STAT4: variants seen among roughly 807,000 people sequenced by gnomAD.
The protein encoded by STAT4 is signal transducer and activator of transcription 4.
STAT4 carries 42 observed loss-of-function variants against 110.5 expected under a neutral mutation model. The observed-to-expected ratio is 0.38, with a 90% confidence interval of 0.30 to 0.49. The LOEUF is 0.49. Ranked by LOEUF, STAT4 falls within the 20% of genes least tolerant of loss-of-function variation. The pLI is 0.95. For synonymous variants in STAT4, 284 were observed against 302.2 expected, an observed-to-expected ratio of 0.94 and a Z score of 0.63; for missense variants, 632 against 887.9, an observed-to-expected ratio of 0.71 and a Z score of 3.66.
chr2:191,143,865 G>A lies in STAT4; in HGVS notation c.273+2748C>T, dbSNP rs926247980. Among the ~76,000 whole-genome samples, 9 of 151,052 alleles carry A rather than the reference G, an allele frequency of 6.0e-5. No individual in the cohort carries two copies. Among genetic ancestry groups the A allele is most frequent in the South Asian group, 2.1e-4 (1 of 4,798 alleles). ...AAGACTCATCATACCACCCTTCCCC[G>A]CAAAAAACACACACAACTTAATGGG... On this transcript the variant is annotated intron_variant, in intron 3 of 23. Transcript: ENST00000392320. The surrounding 1 kb of genome is among the most constrained non-coding windows in gnomAD (Gnocchi z 5.6).
At chr2:191,048,922 T>G (rs76373758) in intron 14 of STAT4, among the ~76,000 whole-genome samples, 2 of 151,432 alleles carry the variant, frequency 1.3e-5, no homozygotes, top group Non-Finnish European at 2.9e-5. Flanking sequence ...GTACATCACA[T>G]TATATGACAC....
chr2:191,047,882 T>A lies in STAT4; in HGVS notation c.1251+6608A>T, dbSNP rs547835001. Among the ~76,000 whole-genome samples, 25 of 152,358 alleles carry A rather than the reference T, an allele frequency of 1.6e-4. 2 individuals carry two copies. In the South Asian group the frequency reaches 4.6e-3, roughly 28 times the overall value. ...GGTTTTATCATATTGGCCAGGCTGG[T>A]CTTGAACTCCTGAGCTCAAGTGATC... is the stretch of plus-strand genomic sequence containing the variant. On this transcript the variant is annotated intron_variant, in intron 14 of 23. Transcript: ENST00000392320.
At position 191,062,420 on chromosome 2, in the gene STAT4, T is replaced by G. The variant is rs1369285699; in HGVS notation, c.941+342A>C. ...GATTTCTGGTACATATTAGTATTTT[T>G]TCTTTAGCTTATAAACATGAAAATG... On this transcript the variant is annotated intron_variant, in intron 9 of 23. Transcript: ENST00000392320. The surrounding 1 kb of genome is among the most constrained non-coding windows in gnomAD (Gnocchi z 4.9). Among the ~76,000 whole-genome samples, 2 of 152,190 alleles carry G rather than the reference T, an allele frequency of 1.3e-5. No homozygotes were observed. Among genetic ancestry groups the G allele is most frequent in the Non-Finnish European group, 2.9e-5 (2 of 68,042 alleles).
chr2:191,071,503 T>C (rs1434337160), intron 5 of STAT4, among the ~76,000 whole-genome samples: 1 of 152,234 alleles, frequency 6.6e-6, no homozygotes, highest in Non-Finnish European at 1.5e-5. Context: ...AGGCAGTATC[T>C]TGCAGAATCT....
At chr2:191,038,986 C>T (rs1696116788) in intron 16 of STAT4, among the ~76,000 whole-genome samples, 2 of 152,124 alleles carry the variant, frequency 1.3e-5, no homozygotes, top group Admixed American at 1.3e-4. Flanking sequence ...ATCCCTGTTA[C>T]TTTTGCTAGC....
chr2:191,128,235 C>G (rs1698936553), intron 3 of STAT4, among the ~76,000 whole-genome samples: 1 of 152,172 alleles, frequency 6.6e-6, no homozygotes, highest in Admixed American at 6.5e-5. Context: ...CCATGTGTGG[C>G]AAAATGGCAT....
chr2:191,081,369 G>T (rs1263401340), intron 3 of STAT4, among the ~76,000 whole-genome samples: 1 of 152,184 alleles, frequency 6.6e-6, no homozygotes, highest in Non-Finnish European at 1.5e-5. Flanking sequence ...TAATGGGATT[G>T]CTGCGTCAAG....
At chr2:191,109,570 G>T (rs1362869667) in intron 3 of STAT4, among the ~76,000 whole-genome samples, 1 of 152,178 alleles carries the variant, frequency 6.6e-6, no homozygotes, top group Non-Finnish European at 1.5e-5. Flanking sequence ...CTTTGTTGGG[G>T]TCATATGCCT....
At chr2:191,120,276 C>T (rs1355381458) in intron 3 of STAT4, among the ~76,000 whole-genome samples, 1 of 152,128 alleles carries the variant, frequency 6.6e-6, no homozygotes, top group Non-Finnish European at 1.5e-5. Context: ...GTGCAGAAGA[C>T]ATTAGCAATA....
At position 191,076,330 on chromosome 2, in the gene STAT4, A is replaced by T. The variant is rs760876896; in HGVS notation, c.274-5T>A. 1 of 1,591,174 alleles carries T rather than the reference A, an allele frequency of 6.3e-7. No homozygotes were observed. The highest frequency in any genetic ancestry group is 1.8e-5 in the Admixed American group (1 of 54,080). On this transcript the variant is annotated splice_region_variant and splice_polypyrimidine_tract_variant and intron_variant, in intron 3 of 23. Coordinates refer to ENST00000392320, the MANE Select transcript of STAT4 (RefSeq NM_003151.4). ...TGGATTTCCATGAAATTTTCCCTGA[A>T]AAAAAAAACAATGAGCAAAAATAAC...
intron 3 of STAT4, among the ~76,000 whole-genome samples, chr2:191,078,891 G>C (rs1697388591): frequency 6.6e-6 from 1 of 152,108 alleles, no homozygotes; most frequent in Non-Finnish European, 1.5e-5. Flanking sequence ...CAGGCATGGA[G>C]ATTTTTCTTT....
rs1045179834 is a variant in STAT4, at chr2:191,037,311, T to G, written c.1435-1012A>C. ...ACCATAGTAGTCTTTTCTTATTTGC[T>G]CTACATAATTAAAAAAAACAAAAAC... is the stretch of plus-strand genomic sequence containing the variant. On this transcript the variant is annotated intron_variant, in intron 16 of 23. Coordinates refer to ENST00000392320, the MANE Select transcript of STAT4 (RefSeq NM_003151.4). This position sits in a 1 kb window ranked among gnomAD's most constrained non-coding sequence, Gnocchi z 4.8. Among the ~76,000 whole-genome samples the G allele has an allele frequency of 1.3e-5, 2 of 152,028 alleles. No individual in the cohort carries two copies. The highest frequency in any genetic ancestry group is 4.8e-5 in the African/African-American group (2 of 41,380).
rs147337928 is a variant in STAT4 at position 191,143,620 on chromosome 2, G to A, written c.273+2993C>T. Among the ~76,000 whole-genome samples the A allele has an allele frequency of 6.6e-6, 1 of 152,226 alleles. No homozygotes were observed. Among genetic ancestry groups the A allele is most frequent in the African/African-American group, 2.4e-5 (1 of 41,526 alleles). On this transcript the variant is annotated intron_variant, in intron 3 of 23. Transcript: ENST00000392320. The surrounding 1 kb of genome is among the most constrained non-coding windows in gnomAD (Gnocchi z 5.6). ...TAAAATACTGAAACTAGAGATCTCA[G>A]CTGTTCTATAAAGAACCAAAATAAA...
rs894840578 is a variant in STAT4 at position 191,032,610 on chromosome 2, C to T, written c.2044+348G>A. On this transcript the variant is annotated intron_variant, in intron 21 of 23. Transcript: ENST00000392320. This position sits in a 1 kb window ranked among gnomAD's most constrained non-coding sequence, Gnocchi z 4.9. Reference sequence around the variant, plus strand: ...TACTATTAAAAGCTTCTCATCATTACCCCCTCTTTCTTTTCCTTTCCCTCA... The same window carrying T: ...TACTATTAAAAGCTTCTCATCATTATCCCCTCTTTCTTTTCCTTTCCCTCA... 6.6e-6 allele frequency among the ~76,000 whole-genome samples: 1 copy of T among 152,172 alleles called. No homozygotes were observed. The highest frequency in any genetic ancestry group is 2.4e-5 in the African/African-American group (1 of 41,444).
chr2:191,083,521 T>C lies in STAT4; in HGVS notation c.274-7196A>G, dbSNP rs1191353420. Reference sequence around the variant, plus strand: ...TCTCCTAACCCCAATTTGAGAACTTTTTGACTTCTCATTTTTTTAACTACC... The same window carrying C: ...TCTCCTAACCCCAATTTGAGAACTTCTTGACTTCTCATTTTTTTAACTACC... On this transcript the variant is annotated intron_variant, in intron 3 of 23. Coordinates refer to ENST00000392320, the MANE Select transcript of STAT4 (RefSeq NM_003151.4). The surrounding 1 kb of genome is among the most constrained non-coding windows in gnomAD (Gnocchi z 4.6). 6.6e-6 allele frequency among the ~76,000 whole-genome samples: 1 copy of C among 152,204 alleles called. No homozygotes were observed. The highest frequency in any genetic ancestry group is 2.4e-5 in the African/African-American group (1 of 41,452).
Position 191,117,787 on chromosome 2 carries a change from C to T in STAT4, c.273+28826G>A, listed in dbSNP as rs1698610920. Among the ~76,000 whole-genome samples the T allele has an allele frequency of 6.6e-6, 1 of 152,176 alleles. No individual in the cohort carries two copies. Among genetic ancestry groups the T allele is most frequent in the South Asian group, 2.1e-4 (1 of 4,832 alleles). ...GATGCATCCCTCCTTTGTGAACTCC[C>T]TGAATCCTACCTCTCCGAGCCACAT... On this transcript the variant is annotated intron_variant, in intron 3 of 23. Transcript: ENST00000392320. The surrounding 1 kb of genome is among the most constrained non-coding windows in gnomAD (Gnocchi z 5.2).
chr2:191,034,152 G>T, intron 18 of STAT4, 147 bp from the exon 19 acceptor site: 1 of 666,260 alleles, frequency 1.5e-6, no homozygotes, highest in Non-Finnish European at 2.5e-6. Context: ...GCCTGGTGTG[G>T]TGGCTCATGC....
At chr2:191,064,576 C>A (rs1696934247) in intron 8 of STAT4, among the ~76,000 whole-genome samples, 1 of 152,188 alleles carries the variant, frequency 6.6e-6, no homozygotes, top group Non-Finnish European at 1.5e-5. Context: ...TGATATCTTG[C>A]ATGTGAAAAT....
At chr2:191,089,872 A>G (rs930379999) in intron 3 of STAT4, among the ~76,000 whole-genome samples, 1 of 152,322 alleles carries the variant, frequency 6.6e-6, no homozygotes, top group South Asian at 2.1e-4. Flanking sequence ...AGACAATAAA[A>G]AAGTCAGTGG....
Sources: allele counts gnomAD v4.1 joint callset (sites outside exome capture counted in the v4.1 genomes callset), GRCh38; gene constraint gnomAD v4.1.1; non-coding constraint Gnocchi (gnomAD v3.1); transcripts MANE v1.5; gene names NCBI Gene and HGNC (gene_info 2026-07-23, HGNC 2026-07-21).